Variants in FOXP2 observed in about 807,000 individuals in gnomAD.
FOXP2 encodes forkhead box protein P2.
FOXP2 carries 12 observed loss-of-function variants against 115.8 expected under a neutral mutation model. The observed-to-expected ratio is 0.10, with a 90% CI of 0.07 to 0.17. The LOEUF (loss-of-function observed/expected upper bound fraction) is 0.17. FOXP2 is among the 10% of genes least tolerant of loss of function. The pLI is 1.00. For synonymous variants in FOXP2, 328 were observed against 297.7 expected (o/e 1.10, Z -1.05); for missense variants, 629 against 843.5 (o/e 0.75, Z 3.15).
chr7:114,618,977 A>T (rs907289180), intron 3 of FOXP2, among the ~76,000 whole-genome samples: 1 of 152,152 alleles, frequency 6.6e-6, no homozygotes, highest in African/African-American at 2.4e-5. Flanking sequence ...TAACTGAGTG[A>T]CATGGATATA....
chr7:114,176,671 T>G (rs1364881263), intron 1 of FOXP2, among the ~76,000 whole-genome samples: 5 of 150,534 alleles, frequency 3.3e-5, no homozygotes, highest in Middle Eastern at 3.4e-3. Context: ...TAGGTTGTTT[T>G]TTTTTTTTTT....
In FOXP2 at chr7:114,543,299, C is replaced by T. The variant is rs1584874610; in HGVS notation, c.258+8593C>T. ...ATGAGGTAGAAACCACTCATAAGAACTAATTATAGTAGAATTATAGTAGAC... is the reference window on the plus strand; with the variant it reads ...ATGAGGTAGAAACCACTCATAAGAATTAATTATAGTAGAATTATAGTAGAC... On this transcript the variant is annotated intron_variant, in intron 3 of 16. Transcript: ENST00000350908. Among the ~76,000 whole-genome samples the T allele has an allele frequency of 3.3e-5, 5 of 152,150 alleles. No individual in the cohort carries two copies. In the South Asian group the frequency reaches 1.0e-3, roughly 32 times the overall value.
intron 3 of FOXP2, among the ~76,000 whole-genome samples, chr7:114,572,028 T>C (rs975435298): frequency 1.8e-4 from 28 of 151,832 alleles, no homozygotes; most frequent in African/African-American, 6.8e-4. Context: ...AAATTAATAC[T>C]CATATACAAT....
chr7:114,528,029 T>C (rs1453395982), intron 2 of FOXP2, among the ~76,000 whole-genome samples: 3 of 152,220 alleles, frequency 2.0e-5, no homozygotes, highest in African/African-American at 7.2e-5. Flanking sequence ...TATTGCCAGA[T>C]TTCAGCAAAA....
At chr7:114,453,770 G>A (rs961129458) in intron 2 of FOXP2, among the ~76,000 whole-genome samples, 3 of 152,032 alleles carry the variant, frequency 2.0e-5, no homozygotes, top group Non-Finnish European at 4.4e-5. Context: ...AATGGGGAAA[G>A]GATTCCCTAT....
intron 2 of FOXP2, among the ~76,000 whole-genome samples, chr7:114,338,979 A>G (rs1791128155): frequency 6.6e-6 from 1 of 151,044 alleles, no homozygotes; most frequent in African/African-American, 2.4e-5. Flanking sequence ...AGGGTCCACA[A>G]GGGATGATAA....
intron 10 of FOXP2, chr7:114,654,288 T>G (rs1420774851): frequency 1.5e-6 from 1 of 667,696 alleles, no homozygotes; most frequent in Admixed American, 3.4e-5. Context: ...AGAATTTCTT[T>G]CTGTGATAGG....
chr7:114,507,962 A>C (rs1164454613), intron 2 of FOXP2, among the ~76,000 whole-genome samples: 1 of 151,948 alleles, frequency 6.6e-6, no homozygotes, highest in East Asian at 1.9e-4. Flanking sequence ...CCTGAGAACA[A>C]ATGATAACAT....
intron 3 of FOXP2, among the ~76,000 whole-genome samples, chr7:114,608,996 C>T (rs940275107): frequency 1.3e-5 from 2 of 151,806 alleles, no homozygotes; most frequent in South Asian, 2.1e-4. Context: ...GTCAGGGTTT[C>T]GAGACCAGCC....
intron 3 of FOXP2, among the ~76,000 whole-genome samples, chr7:114,616,519 C>T (rs1209234220): frequency 2.0e-5 from 3 of 152,100 alleles, no homozygotes; most frequent in East Asian, 1.9e-4. Context: ...AGGCAAGGGA[C>T]GGAGGTTGGT....
At chr7:114,097,850 CTTAT>C (rs1327515018) in intron 1 of FOXP2, among the ~76,000 whole-genome samples, 4 of 152,220 alleles carry the variant, frequency 2.6e-5, no homozygotes, top group African/African-American at 9.6e-5. Context: ...TGTTCTTTCA[CTTAT>C]TTATTCATTC....
At position 114,430,194 on chromosome 7, in the gene FOXP2, A is replaced by C. The variant is rs184160889; in HGVS notation, c.168+3515A>C. Among the ~76,000 whole-genome samples the C allele has an allele frequency of 2.5e-3, 373 of 151,812 alleles. 2 individuals are homozygous for C. Among genetic ancestry groups the C allele is most frequent in the African/African-American group, 8.7e-3 (360 of 41,512 alleles). ...AATTTATTTGCTTCCCCCTTAACTT[A>C]TTTTAACTTCCTATTTGATACGAAA... On this transcript the variant is annotated intron_variant, in intron 2 of 16. Transcript: ENST00000350908.
chr7:114,098,241 T>G (rs984237145), intron 1 of FOXP2, among the ~76,000 whole-genome samples: 3 of 152,142 alleles, frequency 2.0e-5, no homozygotes, highest in Non-Finnish European at 4.4e-5. Flanking sequence ...CATATGAACA[T>G]GAAGGAGGGA....
At chr7:114,621,651 C>T (rs956889105) in intron 3 of FOXP2, among the ~76,000 whole-genome samples, 2 of 151,914 alleles carry the variant, frequency 1.3e-5, no homozygotes, top group East Asian at 1.9e-4. Flanking sequence ...AATTCTTCTT[C>T]GAAGTTGATG....
At position 114,602,093 on chromosome 7, in the gene FOXP2, C is replaced by T. The variant is rs149433764; in HGVS notation, c.259-26447C>T. On this transcript the variant is annotated intron_variant, in intron 3 of 16. Transcript: ENST00000350908. ...TACTGAGAGTGAGGTTTTAAAATCC[C>T]CTACTTTGAATGTATATTTGTTTTT... Among the ~76,000 whole-genome samples, 884 of 151,962 alleles carry T rather than the reference C, an allele frequency of 5.8e-3. 7 individuals carry two copies. The highest frequency in any genetic ancestry group is 0.02 in the African/African-American group (819 of 41,482).
chr7:114,328,430 G>T (rs977578378), intron 2 of FOXP2, among the ~76,000 whole-genome samples: 3 of 151,620 alleles, frequency 2.0e-5, no homozygotes, highest in Admixed American at 6.6e-5. Context: ...TAGAGACAGG[G>T]TTTCACCGTG....
chr7:114,108,195 T>A (rs900871657), intron 1 of FOXP2, among the ~76,000 whole-genome samples: 1 of 151,942 alleles, frequency 6.6e-6, no homozygotes, highest in East Asian at 1.9e-4. Context: ...GACACATCCA[T>A]TTTTGTTTGT....
At chr7:114,211,196 C>A (rs1351252836) in intron 1 of FOXP2, among the ~76,000 whole-genome samples, 1 of 152,196 alleles carries the variant, frequency 6.6e-6, no homozygotes, top group Non-Finnish European at 1.5e-5. Context: ...AGCCCCCTTC[C>A]TAAAGATATG....
intron 1 of FOXP2, among the ~76,000 whole-genome samples, chr7:114,105,802 A>C (rs1462537280): frequency 6.6e-6 from 1 of 152,076 alleles, no homozygotes; most frequent in Non-Finnish European, 1.5e-5. Context: ...GCAGATAAGA[A>C]AATAACAGAA....
Sources: allele counts gnomAD v4.1 joint callset (sites outside exome capture counted in the v4.1 genomes callset), GRCh38; gene constraint gnomAD v4.1.1; transcripts MANE v1.5; gene names NCBI Gene and HGNC (gene_info 2026-07-23, HGNC 2026-07-21).